The following CAND1 variants were observed in gnomAD, a reference collection of about 807,000 sequenced individuals.
The protein encoded by CAND1 is cullin-associated NEDD8-dissociated protein 1.
CAND1 carries 7 observed loss-of-function variants against 108.5 expected under a neutral mutation model. The observed-to-expected ratio is 0.06, with a 90% CI of 0.04 to 0.12. The LOEUF is 0.12. Among genes scored for constraint, CAND1 ranks in the 10% least tolerant of loss-of-function variants. The probability of loss-of-function intolerance (pLI) is 1.00; values close to 1 mark genes in which losing one functional copy is unlikely to be tolerated. For missense variants in CAND1, 941 were observed against 1,448.7 expected, an observed-to-expected ratio of 0.65 and a Z score of 5.69; for synonymous variants, 534 against 512.0, an observed-to-expected ratio of 1.04 and a Z score of -0.58.
intron 1 of CAND1, 97 bp from the exon 2 acceptor site, chr12:67,281,813 G>A (rs1459970760): frequency 1.4e-6 from 1 of 699,968 alleles, no homozygotes; most frequent in Non-Finnish European, 2.2e-6. Flanking sequence ...AGATGTTTCT[G>A]TTGAGTGAAT....
In CAND1 at chr12:67,297,500, C is replaced by T; in HGVS notation, c.585C>T (p.Thr195=). 6.2e-7 allele frequency: 1 copy of T among 1,614,042 alleles called. No homozygotes were observed. The highest frequency in any genetic ancestry group is 1.1e-5 in the South Asian group (1 of 91,076). Residue 195 remains threonine, a synonymous_variant, in exon 5 of 15, where the codon ACC becomes ACT. Transcript: ENST00000545606. ...CTAGACTTGCAGTGAGGAAAAGAAC[C>T]ATTATCGCTCTTGGCCATCTGGTTA... ...TSPRLAVRKR[T]IIALGHLVMS...
chr12:67,301,084 A>G (rs2044820579), intron 7 of CAND1, among the ~76,000 whole-genome samples: 1 of 152,152 alleles, frequency 6.6e-6, no homozygotes, highest in Non-Finnish European at 1.5e-5. Flanking sequence ...CAATTGCCAT[A>G]GTGTATTGAC....
rs1565709885 is a variant in CAND1 at position 67,269,383 on chromosome 12, A to G, written c.-335A>G. On this transcript the variant is annotated 5_prime_UTR_variant, in exon 1 of 15. Coordinates refer to ENST00000545606, the MANE Select transcript of CAND1 (RefSeq NM_018448.5). ...CTTTTGCCCTAGGGAGCGAGTGCGG[A>G]GCGAGTGGGAGCGAGACGGCCCTGA... 1.2e-5 allele frequency: 4 copies of G among 322,072 alleles called. No homozygotes were observed. The highest frequency in any genetic ancestry group is 2.3e-5 in the Non-Finnish European group (4 of 175,360). The allele number at this position is 322,072 out of a possible 1,614,324, so 20.0% of individuals were successfully genotyped here.
rs2044969798 is a variant in CAND1, at chr12:67,313,067, GCAACATTTGAAATGGAAA to G, written c.*239_*256del. 1 of 365,924 alleles carries G rather than the reference GCAACATTTGAAATGGAAA, an allele frequency of 2.7e-6. No individual in the cohort carries two copies. The highest frequency in any genetic ancestry group is 4.9e-6 in the Non-Finnish European group (1 of 202,040). The allele number at this position is 365,924 out of a possible 1,614,324, so 22.7% of individuals were successfully genotyped here. A position where few individuals can be genotyped will look rare whatever the true frequency, so the allele number is the denominator to read the frequency against. ...AACCACTAGTGTTTTAGTGGTTACA[GCAACATTTGAAATGGAAA>G]CTAAAAGTTAGGATTTTATGGAGTA... On this transcript the variant is annotated 3_prime_UTR_variant, in exon 15 of 15. Transcript: ENST00000545606.
chr12:67,312,266 G>A (rs1222057637), intron 14 of CAND1, among the ~76,000 whole-genome samples: 2 of 151,928 alleles, frequency 1.3e-5, no homozygotes, highest in Non-Finnish European at 2.9e-5. Context: ...ATAGAGTATA[G>A]CAAAGAATAG....
At chr12:67,270,548 C>G (rs1160012153) in intron 1 of CAND1, 1 of 152,076 alleles carries the variant, frequency 6.6e-6, no homozygotes. Flanking sequence ...GACGGATCTT[C>G]AAAAGGAAGA....
At chr12:67,312,136 C>A (rs1430013220) in intron 14 of CAND1, among the ~76,000 whole-genome samples, 1 of 149,662 alleles carries the variant, frequency 6.7e-6, no homozygotes, top group African/African-American at 2.5e-5. Flanking sequence ...ATTAGGTTGA[C>A]AACATTTGCA....
At position 67,315,867 on chromosome 12, in the gene CAND1, C is replaced by T. The variant is rs2045003223; in HGVS notation, c.*3037C>T. The T allele has an allele frequency of 6.6e-6, 1 of 152,032 alleles. No homozygotes were observed. Among genetic ancestry groups the T allele is most frequent in the African/African-American group, 2.4e-5 (1 of 41,388 alleles). 9.4% of individuals were successfully genotyped at this position (152,032 alleles called of 1,614,324 possible). A position where few individuals can be genotyped will look rare whatever the true frequency, so the allele number is the denominator to read the frequency against. On this transcript the variant is annotated 3_prime_UTR_variant, in exon 15 of 15. Coordinates refer to ENST00000545606, the MANE Select transcript of CAND1 (RefSeq NM_018448.5). ...TCAAAATGAGGAAGTATACAAAATC[C>T]TCAGCCACTGAAAAATTCAGTTAAC...
chr12:67,273,471 GTTC>G (rs1592600568), intron 1 of CAND1, among the ~76,000 whole-genome samples: 1 of 142,238 alleles, frequency 7.0e-6, no homozygotes, highest in African/African-American at 2.5e-5. Context: ...AGGTAACTAA[GTTC>G]TTTTCTTTTT....
intron 7 of CAND1, among the ~76,000 whole-genome samples, chr12:67,300,398 A>T (rs1204007039): frequency 5.9e-5 from 9 of 152,142 alleles, no homozygotes; most frequent in Admixed American, 5.9e-4. Flanking sequence ...ATCCAGATTC[A>T]TATGCAACTG....
At chr12:67,311,284 T>C (rs1406904339) in intron 13 of CAND1, 2 of 152,158 alleles carry the variant, frequency 1.3e-5, no homozygotes, top group Admixed American at 1.3e-4. Flanking sequence ...TGGTCAACTC[T>C]GTTATGATAG....
chr12:67,302,633 GT>G lies in CAND1; in HGVS notation c.1293+21del. Reference sequence around the variant, plus strand: ...AGAGTCAGGTGGGTTTTAAAGTAAAGTTTAGAAAATCATGATAGTAAATGCA... The same window carrying G: ...AGAGTCAGGTGGGTTTTAAAGTAAAGTTAGAAAATCATGATAGTAAATGCA... On this transcript the variant is annotated intron_variant, in intron 8 of 14. Coordinates refer to ENST00000545606, the MANE Select transcript of CAND1 (RefSeq NM_018448.5). 6.3e-7 allele frequency: 1 copy of G among 1,590,162 alleles called. No individual in the cohort carries two copies. Among genetic ancestry groups the G allele is most frequent in the Non-Finnish European group, 8.6e-7 (1 of 1,164,412 alleles).
chr12:67,288,828 G>C (rs953074110), intron 2 of CAND1, among the ~76,000 whole-genome samples: 1 of 152,224 alleles, frequency 6.6e-6, no homozygotes, highest in African/African-American at 2.4e-5. Flanking sequence ...AGAACTGCTT[G>C]TTGAGAAGAG....
At chr12:67,287,315 A>AACT (rs1218096991) in intron 2 of CAND1, among the ~76,000 whole-genome samples, 1 of 152,180 alleles carries the variant, frequency 6.6e-6, no homozygotes, top group Non-Finnish European at 1.5e-5. Flanking sequence ...AGAGTAGTTT[A>AACT]GTTTTTTAGG....
In CAND1 at chr12:67,305,964, G is replaced by A. The variant is rs2044879087; in HGVS notation, c.2296G>A (p.Gly766Arg). ...LDFFQALVVT[G>R]TNNLGYMDLL... ...CTTTTTCCAAGCTCTGGTTGTCACT[G>A]GAACAAATAATTTAGGATACATGGA... The change falls in exon 10 of 15, where the codon GGA becomes AGA. Residue 766 changes from glycine (G) to arginine (R), a missense_variant. Around this residue, in one of 9 missense-constraint regions of CAND1, gnomAD observed 697 missense variants for 942.0 expected, o/e 0.74. Transcript: ENST00000545606. This position sits in a 1 kb window ranked among gnomAD's most constrained non-coding sequence, Gnocchi z 4.4. 6.2e-7 allele frequency: 1 copy of A among 1,614,052 alleles called. No homozygotes were observed. The highest frequency in any genetic ancestry group is 8.5e-7 in the Non-Finnish European group (1 of 1,180,024).
intron 2 of CAND1, among the ~76,000 whole-genome samples, chr12:67,289,366 G>A (rs1280456300): frequency 1.6e-5 from 1 of 62,212 alleles, no homozygotes; most frequent in African/African-American, 1.4e-4. Context: ...TTACAGGCAT[G>A]TACCATGTCC....
chr12:67,274,777 T>C (rs921888365), intron 1 of CAND1, among the ~76,000 whole-genome samples: 1 of 152,152 alleles, frequency 6.6e-6, no homozygotes, highest in Non-Finnish European at 1.5e-5. Flanking sequence ...GTGTTTTGGA[T>C]ATTGGACGGT....
At position 67,271,258 on chromosome 12, in the gene CAND1, G is replaced by A. The variant is rs531844253; in HGVS notation, c.68+1473G>A. 2.0e-5 allele frequency among the ~76,000 whole-genome samples: 3 copies of A among 152,294 alleles called. No individual in the cohort carries two copies. The East Asian group carries it at 5.8e-4, about 29-fold the overall frequency. On this transcript the variant is annotated intron_variant, in intron 1 of 14. Coordinates refer to ENST00000545606, the MANE Select transcript of CAND1 (RefSeq NM_018448.5). Reference sequence around the variant, plus strand: ...AATTAAGATTCTTGGGGGAAATAAAGGTTTTGTGTTGTTTTACGGATTGGA... The same window carrying A: ...AATTAAGATTCTTGGGGGAAATAAAAGTTTTGTGTTGTTTTACGGATTGGA...
At chr12:67,303,329 G>A (rs2044844402) in intron 8 of CAND1, among the ~76,000 whole-genome samples, 1 of 152,046 alleles carries the variant, frequency 6.6e-6, no homozygotes, top group South Asian at 2.1e-4. Flanking sequence ...GGAGAGGACG[G>A]GACACACATA....
Sources: gnomAD v4.1 joint callset for allele counts (sites outside exome capture counted in the v4.1 genomes callset) on GRCh38, gnomAD v4.1.1 for gene constraint, gnomAD v4.1.1 regional missense constraint, Gnocchi (gnomAD v3.1) non-coding constraint, MANE v1.5 for transcripts, NCBI Gene and HGNC (gene_info 2026-07-23, HGNC 2026-07-21) for gene names.